The following SLIT2 variants were observed in gnomAD, a reference collection of about 807,000 sequenced individuals.
SLIT2 encodes the protein slit homolog 2 protein.
A neutral mutation model predicts 185.7 loss-of-function variants in SLIT2; 41 were observed. The observed-to-expected ratio is 0.22, with a 90% CI of 0.17 to 0.29. SLIT2 has a LOEUF of 0.29. Among genes scored for constraint, SLIT2 ranks in the 10% least tolerant of loss-of-function variants. The probability of loss-of-function intolerance (pLI) is 1.00; values close to 1 mark genes in which losing one functional copy is unlikely to be tolerated. For synonymous variants in SLIT2, 693 were observed against 680.2 expected (o/e 1.02, Z -0.29); for missense variants, 1,571 against 1,909.0 (o/e 0.82, Z 3.30).
chr4:20,618,180 T>C (rs1359551568), intron 36 of SLIT2, among the ~76,000 whole-genome samples: 3 of 152,098 alleles, frequency 2.0e-5, no homozygotes, highest in African/African-American at 4.8e-5. Flanking sequence ...CCTTCCTCCT[T>C]CTCCTTTGTC....
intron 4 of SLIT2, among the ~76,000 whole-genome samples, chr4:20,382,728 T>A (rs1247258185): frequency 6.6e-6 from 1 of 152,168 alleles, no homozygotes; most frequent in African/African-American, 2.4e-5. Context: ...CTGTACCAAG[T>A]GATCTATTGA....
intron 4 of SLIT2, among the ~76,000 whole-genome samples, chr4:20,375,511 T>A (rs1723944726): frequency 6.6e-6 from 1 of 152,094 alleles, no homozygotes; most frequent in Non-Finnish European, 1.5e-5. Context: ...TTTATCTAAG[T>A]CGTATCACTT....
chr4:20,424,944 G>T (rs896430063), intron 4 of SLIT2, among the ~76,000 whole-genome samples: 5 of 151,860 alleles, frequency 3.3e-5, no homozygotes, highest in African/African-American at 9.7e-5. Context: ...ATATATTTTT[G>T]GTTTACATAT....
At chr4:20,283,120 G>GCGCGCGCACACA (rs143964894) in intron 4 of SLIT2, among the ~76,000 whole-genome samples, 17 of 149,850 alleles carry the variant, frequency 1.1e-4, no homozygotes, top group African/African-American at 2.4e-4. Flanking sequence ...GTGCGCGCGC[G>GCGCGCGCACACA]CACACACACA....
intron 4 of SLIT2, among the ~76,000 whole-genome samples, chr4:20,355,674 C>T (rs1722260378): frequency 6.6e-6 from 1 of 152,100 alleles, no homozygotes; most frequent in Admixed American, 6.6e-5. Flanking sequence ...TCTAAGAAAA[C>T]TGTATGATCC....
intron 28 of SLIT2, among the ~76,000 whole-genome samples, chr4:20,568,128 G>A (rs1356285170): frequency 6.6e-6 from 1 of 152,034 alleles, no homozygotes; most frequent in Non-Finnish European, 1.5e-5. Flanking sequence ...TACTTCAGAT[G>A]TACTTCATGA....
intron 6 of SLIT2, among the ~76,000 whole-genome samples, chr4:20,483,890 C>A (rs1042625032): frequency 6.6e-6 from 1 of 151,964 alleles, no homozygotes; most frequent in Non-Finnish European, 1.5e-5. Flanking sequence ...CACAAGTAAT[C>A]ATACTTAACA....
intron 4 of SLIT2, among the ~76,000 whole-genome samples, chr4:20,354,778 T>C (rs571166609): frequency 1.2e-3 from 189 of 152,198 alleles, no homozygotes; most frequent in Non-Finnish European, 2.0e-3. Context: ...CCAAATCTAA[T>C]TATATATTGT....
chr4:20,301,083 C>T (rs543574300), intron 4 of SLIT2, among the ~76,000 whole-genome samples: 59 of 152,212 alleles, frequency 3.9e-4, no homozygotes, highest in African/African-American at 1.3e-3. Context: ...CTCTCTTGAA[C>T]AGTGTATCTA....
At chr4:20,266,615 G>A (rs1238749577) in intron 3 of SLIT2, among the ~76,000 whole-genome samples, 1 of 151,944 alleles carries the variant, frequency 6.6e-6, no homozygotes, top group Non-Finnish European at 1.5e-5. Flanking sequence ...AATGTTGACT[G>A]AGAGCAGGCT....
chr4:20,445,580 T>C lies in SLIT2; in HGVS notation c.396-22172T>C, dbSNP rs549890350. On this transcript the variant is annotated intron_variant, in intron 4 of 36. Transcript: ENST00000504154. The stretch of plus-strand genomic sequence containing the variant: ...TTATTTCTTGATCCCCAGCACACTT[T>C]AATACAGAGGATCTATTAGGGCTCC... 5.3e-4 allele frequency among the ~76,000 whole-genome samples: 80 copies of C among 152,306 alleles called. No individual in the cohort carries two copies. The South Asian group carries it at 0.014, about 28-fold the overall frequency.
chr4:20,446,827 T>C lies in SLIT2; in HGVS notation c.396-20925T>C, dbSNP rs564136665. On this transcript the variant is annotated intron_variant, in intron 4 of 36. Transcript: ENST00000504154. ...AGGAAACTTCATCAAAATAGATAGATGTTCAGAAAATCCCATGTACCCCAA... is the reference window on the plus strand; with the variant it reads ...AGGAAACTTCATCAAAATAGATAGACGTTCAGAAAATCCCATGTACCCCAA... Among the ~76,000 whole-genome samples, 5 of 152,352 alleles carry C rather than the reference T, an allele frequency of 3.3e-5. No individual in the cohort carries two copies. In the South Asian group the frequency reaches 1.0e-3, roughly 32 times the overall value.
intron 9 of SLIT2, among the ~76,000 whole-genome samples, chr4:20,494,769 C>A (rs1421546315): frequency 1.3e-5 from 2 of 148,408 alleles, no homozygotes; most frequent in African/African-American, 5.0e-5. Context: ...CAGAGCTAGA[C>A]TCCGTCTCAA....
chr4:20,404,868 G>C (rs556777053), intron 4 of SLIT2, among the ~76,000 whole-genome samples: 1 of 151,986 alleles, frequency 6.6e-6, no homozygotes, highest in Non-Finnish European at 1.5e-5. Flanking sequence ...AAGATCGTAT[G>C]AGTCCAGATG....
At chr4:20,472,598 C>CGATATATATAGATA (rs1243899697) in intron 5 of SLIT2, among the ~76,000 whole-genome samples, 1 of 7,784 alleles carries the variant, frequency 1.3e-4, no homozygotes, top group Non-Finnish European at 2.1e-4. Flanking sequence ...AGATATATAT[C>CGATATATATAGATA]TATAGATATA....
At chr4:20,347,087 A>G (rs1002321751) in intron 4 of SLIT2, among the ~76,000 whole-genome samples, 1 of 152,236 alleles carries the variant, frequency 6.6e-6, no homozygotes, top group Non-Finnish European at 1.5e-5. Flanking sequence ...GATGATACCA[A>G]TTATCCTTTG....
chr4:20,354,910 A>G (rs147940092), intron 4 of SLIT2, among the ~76,000 whole-genome samples: 6 of 103,772 alleles, frequency 5.8e-5, no homozygotes, highest in African/African-American at 2.6e-4. Context: ...TGTGTGTGAG[A>G]GAGAGAGAGA....
At chr4:20,448,398 T>C (rs1159921070) in intron 4 of SLIT2, among the ~76,000 whole-genome samples, 3 of 152,108 alleles carry the variant, frequency 2.0e-5, no homozygotes, top group Admixed American at 6.5e-5. Context: ...CTTGGCTCAC[T>C]GCAAACTGTG....
At chr4:20,281,714 C>T (rs1416543656) in intron 4 of SLIT2, among the ~76,000 whole-genome samples, 1 of 152,192 alleles carries the variant, frequency 6.6e-6, no homozygotes, top group African/African-American at 2.4e-5. Context: ...AGCATAGTTA[C>T]ATTTGATAAA....
Sources: gnomAD v4.1 joint callset for allele counts (sites outside exome capture counted in the v4.1 genomes callset) on GRCh38, gnomAD v4.1.1 for gene constraint, MANE v1.5 for transcripts, NCBI Gene and HGNC (gene_info 2026-07-23, HGNC 2026-07-21) for gene names.